The following ZNF516 variants were observed in gnomAD, a reference collection of about 807,000 sequenced individuals.
ZNF516 encodes zinc finger protein 516.
Under a neutral mutation model 79.7 loss-of-function variants are expected in ZNF516, and 19 were observed. That is an observed-to-expected ratio of 0.24 (90% CI 0.17 to 0.35). ZNF516 has a LOEUF of 0.35. Among genes scored for constraint, ZNF516 ranks in the 10% least tolerant of loss-of-function variants. The pLI is 1.00. For missense variants in ZNF516, 1,678 were observed against 1,679.5 expected, an observed-to-expected ratio of 1.00 and a Z score of 0.02; for synonymous variants, 877 against 739.5, an observed-to-expected ratio of 1.19 and a Z score of -3.02.
intron 3 of ZNF516, chr18:76,388,703 G>A (rs201227256): frequency 6.6e-5 from 10 of 152,230 alleles, no homozygotes; most frequent in Non-Finnish European, 4.4e-5. Flanking sequence ...CTAACAAGAT[G>A]AAATCCCGTA....
rs1915373115 is a variant in ZNF516 at position 76,493,982 on chromosome 18, G to A, written c.-272+1162C>T. 1 of 152,202 alleles carries A rather than the reference G, an allele frequency of 6.6e-6. No homozygotes were observed. 9.4% of individuals were successfully genotyped at this position (152,202 alleles called of 1,614,324 possible). A position where few individuals can be genotyped will look rare whatever the true frequency, so the allele number is the denominator to read the frequency against. On this transcript the variant is annotated intron_variant, in intron 1 of 6. Transcript: ENST00000443185. This position sits in a 1 kb window ranked among gnomAD's most constrained non-coding sequence, Gnocchi z 5.2. ...CGGTGACTCTTTATCAGCGGAATGA[G>A]TAAGACACACACACAGCCCCCAGAG...
chr18:76,364,668 G>A (rs561420775), intron 6 of ZNF516, among the ~76,000 whole-genome samples: 6 of 150,988 alleles, frequency 4.0e-5, no homozygotes, highest in Non-Finnish European at 5.9e-5. Flanking sequence ...GGTGTGGATC[G>A]ATGCCCCGCA....
At chr18:76,422,427 T>G (rs1278599874) in intron 3 of ZNF516, among the ~76,000 whole-genome samples, 1 of 152,178 alleles carries the variant, frequency 6.6e-6, no homozygotes, top group Non-Finnish European at 1.5e-5. Flanking sequence ...CTGCCCTAAC[T>G]TTCCGGAAGC....
intron 3 of ZNF516, among the ~76,000 whole-genome samples, chr18:76,437,081 C>CACACACACACACAG (rs1240926845): frequency 6.8e-6 from 1 of 146,666 alleles, no homozygotes; most frequent in African/African-American, 2.5e-5. Flanking sequence ...CACACACACA[C>CACACACACACACAG]ACACACACAC....
Position 76,443,183 on chromosome 18 carries a change from TGGG to T in ZNF516, c.-132_-130del. 1 of 1,361,244 alleles carries T rather than the reference TGGG, an allele frequency of 7.3e-7. No individual in the cohort carries two copies. The highest frequency in any genetic ancestry group is 9.6e-7 in the Non-Finnish European group (1 of 1,039,150). The allele number at this position is 1,361,244 out of a possible 1,614,324, so 84.3% of individuals were successfully genotyped here. A position where few individuals can be genotyped will look rare whatever the true frequency, so the allele number is the denominator to read the frequency against. ...GCTCCCAGGAGGTGCACCTTCTACA[TGGG>T]GGGCGCAGCAGCTGGCAGCCAGCAC... On this transcript the variant is annotated 5_prime_UTR_variant, in exon 3 of 7. Coordinates refer to ENST00000443185, the MANE Select transcript of ZNF516 (RefSeq NM_014643.4).
chr18:76,478,434 GA>G (rs966971510), intron 1 of ZNF516, among the ~76,000 whole-genome samples: 3 of 151,070 alleles, frequency 2.0e-5, no homozygotes, highest in Non-Finnish European at 4.4e-5. Context: ...AGCAAATTAT[GA>G]AAAAAAAGGT....
Position 76,378,995 on chromosome 18 carries a change from T to C in ZNF516, c.3119A>G (p.His1040Arg), listed in dbSNP as rs1364176071. The change falls in exon 4 of 7, where the codon CAC (histidine) becomes CGC (arginine). Residue 1040 changes from histidine (H) to arginine (R), a missense_variant. Coordinates refer to ENST00000443185, the MANE Select transcript of ZNF516 (RefSeq NM_014643.4). ...PGVAGAPPVL[H>R]SIKQEPVAEG... ...GGCCACCGGCTCCTGTTTGATGGAG[T>C]GTAGGACGGGGGGCGCCCCAGCCAC... 7 of 1,612,946 alleles carry C rather than the reference T, an allele frequency of 4.3e-6. No homozygotes were observed. The highest frequency in any genetic ancestry group is 4.2e-6 in the Non-Finnish European group (5 of 1,179,660).
At chr18:76,437,802 G>T (rs539110216) in intron 3 of ZNF516, among the ~76,000 whole-genome samples, 1 of 152,322 alleles carries the variant, frequency 6.6e-6, no homozygotes, top group South Asian at 2.1e-4. Context: ...GTTCAGTACA[G>T]ATATAAACAT....
At chr18:76,484,547 T>C (rs188320889) in intron 1 of ZNF516, among the ~76,000 whole-genome samples, 3 of 152,320 alleles carry the variant, frequency 2.0e-5, no homozygotes, top group Admixed American at 1.3e-4. Context: ...TACCACCTTG[T>C]AGGAATCTAA....
intron 1 of ZNF516, among the ~76,000 whole-genome samples, chr18:76,474,245 C>T (rs1914049678): frequency 6.6e-6 from 1 of 152,102 alleles, no homozygotes; most frequent in Non-Finnish European, 1.5e-5. Context: ...TAAAGTAAGG[C>T]TTATCTAATA....
chr18:76,442,462 T>C lies in ZNF516; in HGVS notation c.593A>G (p.Lys198Arg), dbSNP rs1911745548. ...GCTGCACAGCCTGCACTTGAACGGC[T>C]TGTGCGCCTGGTGCACGTGCAGCTC... Reference protein sequence around the residue: ...DLELHVHQAHKPFKCRLCSYA... With the variant: ...DLELHVHQAHRPFKCRLCSYA... Residue 198 changes from lysine to arginine, a missense_variant, in exon 3 of 7, where the codon AAG (lysine) becomes AGG (arginine). Lys to Arg is a conservative substitution (Grantham distance 26). Coordinates refer to ENST00000443185, the MANE Select transcript of ZNF516 (RefSeq NM_014643.4). The C allele has an allele frequency of 1.2e-6, 2 of 1,605,300 alleles. No homozygotes were observed. Among genetic ancestry groups the C allele is most frequent in the South Asian group, 2.2e-5 (2 of 91,086 alleles).
chr18:76,465,717 C>T (rs898682548), intron 1 of ZNF516, among the ~76,000 whole-genome samples: 7 of 152,184 alleles, frequency 4.6e-5, no homozygotes, highest in East Asian at 1.9e-4. Flanking sequence ...TCAGAAAACA[C>T]GCAAGAACCC....
intron 3 of ZNF516, among the ~76,000 whole-genome samples, chr18:76,402,040 C>G (rs529300217): frequency 6.6e-6 from 1 of 152,020 alleles, no homozygotes; most frequent in Admixed American, 6.5e-5. Flanking sequence ...CATGTGTGCA[C>G]GTGAACGTGA....
intron 3 of ZNF516, among the ~76,000 whole-genome samples, chr18:76,408,243 C>T (rs769074308): frequency 2.0e-5 from 3 of 152,170 alleles, no homozygotes; most frequent in Admixed American, 1.3e-4. Context: ...ATGACCTCCC[C>T]GCTGTTATTG....
intron 6 of ZNF516, among the ~76,000 whole-genome samples, chr18:76,370,150 T>G (rs1233497545): frequency 2.0e-5 from 3 of 152,238 alleles, no homozygotes; most frequent in African/African-American, 7.2e-5. Context: ...TCTTACGGAA[T>G]AACACAAAAA....
At position 76,380,258 on chromosome 18, in the gene ZNF516, G is replaced by A. The variant is rs1209305129; in HGVS notation, c.1856C>T (p.Thr619Ile). The A allele has an allele frequency of 6.2e-7, 1 of 1,613,860 alleles. No homozygotes were observed. The highest frequency in any genetic ancestry group is 1.3e-5 in the African/African-American group (1 of 75,044). Residue 619 changes from threonine to isoleucine, a missense_variant, in exon 4 of 7, where the codon ACC becomes ATC. Physicochemically the swap from Thr to Ile is moderately conservative, Grantham distance 89. Transcript: ENST00000443185. ...RCCFSEEVTS[T>I]ELSSGDQSHK... is the part of the protein sequence containing the mutation. ...ACTCTGGTCTCCACTGGAGAGCTCG[G>A]TCGAAGTCACCTCTTCGGAAAAGCA...
chr18:76,435,013 G>A (rs2145483430), intron 3 of ZNF516, among the ~76,000 whole-genome samples: 2 of 152,242 alleles, frequency 1.3e-5, no homozygotes, highest in Middle Eastern at 6.8e-3. Flanking sequence ...CACACCATTC[G>A]GCATGGGGCA....
At chr18:76,409,833 T>G (rs544089538) in intron 3 of ZNF516, among the ~76,000 whole-genome samples, 42 of 152,264 alleles carry the variant, frequency 2.8e-4, no homozygotes, top group African/African-American at 9.6e-4. Flanking sequence ...GGTGGTATGG[T>G]TTGGCTGTGT....
intron 1 of ZNF516, chr18:76,492,666 C>A: frequency 1.0e-6 from 1 of 962,892 alleles, no homozygotes; most frequent in Non-Finnish European, 1.2e-6. Flanking sequence ...GGCGCGCGTG[C>A]CCAGGCACCA....
Sources: allele counts gnomAD v4.1 joint callset (sites outside exome capture counted in the v4.1 genomes callset), GRCh38; gene constraint gnomAD v4.1.1; non-coding constraint Gnocchi (gnomAD v3.1); transcripts MANE v1.5; gene names NCBI Gene and HGNC (gene_info 2026-07-23, HGNC 2026-07-21).